MYO1C: variants seen among roughly 807,000 people sequenced by gnomAD.
The protein encoded by MYO1C is unconventional myosin-Ic.
A neutral mutation model predicts 150.8 loss-of-function variants in MYO1C; 104 were observed. The ratio of observed to expected loss-of-function variants is 0.69; its 90% CI spans 0.59 to 0.81. MYO1C has a LOEUF of 0.81. MYO1C is among the 30% of genes least tolerant of loss of function. The probability of loss-of-function intolerance (pLI) is 0.00; values close to 1 mark genes in which losing one functional copy is unlikely to be tolerated. For missense variants in MYO1C, 1,504 were observed against 1,435.0 expected, an observed-to-expected ratio of 1.05 and a Z score of -0.78; for synonymous variants, 663 against 579.9, an observed-to-expected ratio of 1.14 and a Z score of -2.06.
At position 1,475,019 on chromosome 17, in the gene MYO1C, C is replaced by A; in HGVS notation, c.1588G>T (p.Asp530Tyr). 1 of 1,552,146 alleles carries A rather than the reference C, an allele frequency of 6.4e-7. No individual in the cohort carries two copies. The highest frequency in any genetic ancestry group is 8.7e-7 in the Non-Finnish European group (1 of 1,147,398). Residue 530 changes from aspartate to tyrosine, a missense_variant, in exon 15 of 32, where the codon GAC (aspartate) becomes TAC (tyrosine). Asp to Tyr is a radical substitution (Grantham distance 160). Coordinates refer to ENST00000648651, the MANE Select transcript of MYO1C (RefSeq NM_001080779.2). Reference protein sequence around the residue: ...HPHFLTHKLADQRTRKSLGRG... With the variant: ...HPHFLTHKLAYQRTRKSLGRG... Reference sequence around the variant, plus strand: ...CCCAGAGATTTCCTGGTCCGCTGGTCAGCCAGCTTGTGCCTGGGGGTGACA... The same window carrying A: ...CCCAGAGATTTCCTGGTCCGCTGGTAAGCCAGCTTGTGCCTGGGGGTGACA...
intron 31 of MYO1C, among the ~76,000 whole-genome samples, chr17:1,466,168 T>C (rs998099551): frequency 1.3e-3 from 186 of 148,584 alleles, no homozygotes; most frequent in Non-Finnish European, 2.3e-3. Context: ...TTTTTTTTTT[T>C]TTTTTTTTGA....
chr17:1,483,189 T>A (rs999155509), intron 3 of MYO1C, 130 bp from the exon 4 acceptor site: 1 of 930,062 alleles, frequency 1.1e-6, no homozygotes, highest in African/African-American at 1.6e-5. Flanking sequence ...GGACTGGGGG[T>A]CCCTCACAGG....
chr17:1,474,570 G>T (rs1475813616), intron 17 of MYO1C, 40 bp downstream of exon 17: 3 of 1,597,822 alleles, frequency 1.9e-6, no homozygotes, highest in Non-Finnish European at 1.7e-6. Context: ...TGCACACTCA[G>T]GCGCATGCAC....
At chr17:1,477,866 G>A in intron 13 of MYO1C, 25 bp downstream of exon 13, 1 of 1,600,512 alleles carries the variant, frequency 6.2e-7, no homozygotes. Context: ...TCCAGCACCA[G>A]GCCTTGGAGG....
At chr17:1,475,838 G>A (rs1598332593) in intron 14 of MYO1C, among the ~76,000 whole-genome samples, 2 of 152,346 alleles carry the variant, frequency 1.3e-5, no homozygotes, top group Admixed American at 1.3e-4. Flanking sequence ...GGCTGGGTGA[G>A]AGAGGGGAGT....
chr17:1,477,642 G>C, intron 13 of MYO1C, 46 bp from the exon 14 acceptor site: 1 of 1,456,864 alleles, frequency 6.9e-7, no homozygotes, highest in Non-Finnish European at 9.6e-7. Context: ...GGACAGGTCA[G>C]AGCGCACAGA....
chr17:1,469,447 C>CGGTAGAA (rs1555519658), intron 25 of MYO1C, 84 bp downstream of exon 25: 119 of 1,280,466 alleles, frequency 9.3e-5, no homozygotes, highest in Non-Finnish European at 1.2e-4. Flanking sequence ...GGGGTAAATG[C>CGGTAGAA]CCCTCCAGGC....
In MYO1C at chr17:1,471,354, C is replaced by G. The variant is rs374816949; in HGVS notation, c.2022-18G>C. 1 of 1,608,614 alleles carries G rather than the reference C, an allele frequency of 6.2e-7. No individual in the cohort carries two copies. The highest frequency in any genetic ancestry group is 1.7e-5 in the Admixed American group (1 of 59,800). ...ACTTGTACCTGGGGACAGGAATGCA[C>G]GCGGCTCCCACCCCAGTCAGCAGCC... On this transcript the variant is annotated intron_variant, in intron 19 of 31. Transcript: ENST00000648651.
At position 1,465,131 on chromosome 17, in the gene MYO1C, C is replaced by T. The variant is rs1019159955; in HGVS notation, c.*595G>A. On this transcript the variant is annotated 3_prime_UTR_variant, in exon 32 of 32. Transcript: ENST00000648651. ...CCAGCCTAAAAGGACATTCTTAAGG[C>T]AGAAAGAAGGGGGCAGGCAAGGGTG... The T allele has an allele frequency of 1.3e-5, 2 of 152,546 alleles. No individual in the cohort carries two copies. The highest frequency in any genetic ancestry group is 4.8e-5 in the African/African-American group (2 of 41,410). The allele number at this position is 152,546 out of a possible 1,614,324, so 9.4% of individuals were successfully genotyped here. A position where few individuals can be genotyped will look rare whatever the true frequency, so the allele number is the denominator to read the frequency against.
chr17:1,481,736 C>T (rs1041962727), intron 5 of MYO1C, among the ~76,000 whole-genome samples: 11 of 151,272 alleles, frequency 7.3e-5, no homozygotes, highest in East Asian at 1.9e-4. Flanking sequence ...CCCGACCTCA[C>T]GTGATCCACC....
At chr17:1,480,123 C>T (rs538582927) in intron 7 of MYO1C, among the ~76,000 whole-genome samples, 20 of 114,410 alleles carry the variant, frequency 1.7e-4, no homozygotes, top group Admixed American at 6.4e-4. Flanking sequence ...CCAGCCTGGG[C>T]GAAAGAGCGA....
At chr17:1,482,769 C>CCCTGGG in intron 4 of MYO1C, 92 bp downstream of exon 4, 1 of 181,516 alleles carries the variant, frequency 5.5e-6, no homozygotes, top group Non-Finnish European at 1.1e-5. Context: ...CCCACACTAG[C>CCCTGGG]CTTCTCTCCC....
intron 17 of MYO1C, among the ~76,000 whole-genome samples, chr17:1,473,344 T>C (rs2074342022): frequency 6.6e-6 from 1 of 151,890 alleles, no homozygotes; most frequent in African/African-American, 2.4e-5. Context: ...TGGGGCCACC[T>C]AGGGGAAGAG....
chr17:1,474,817 T>G lies in MYO1C; in HGVS notation c.1711A>C (p.Lys571Gln). The change falls in exon 16 of 32, where the codon AAG becomes CAG. Residue 571 changes from lysine to glutamine, a missense_variant. Transcript: ENST00000648651. ...KNNDLLFRNL[K>Q]ETMCSSKNPI... is the part of the protein sequence containing the mutation. ...CCTCCCCACGTCCTCCTCACCTCCT[T>G]AAGGTTCCGGAAGAGAAGGTCATTG... The G allele has an allele frequency of 6.2e-7, 1 of 1,601,328 alleles. No individual in the cohort carries two copies. Among genetic ancestry groups the G allele is most frequent in the Non-Finnish European group, 8.6e-7 (1 of 1,169,558 alleles).
rs749731480 is a variant in MYO1C, at chr17:1,468,447, T to C, written c.2660A>G (p.Asn887Ser). ...ASEIFKGKKD[N>S]YPQSVPRLFI... ...GAGCCTGGGTACACTCTGAGGGTAA[T>C]TATCCTTCTTGCCCTTGAAGATCTC... The change falls in exon 26 of 32, where the codon AAT becomes AGT. Residue 887 changes from asparagine (N) to serine (S), a missense_variant. By Grantham distance (46) the Asn-to-Ser change is conservative. Transcript: ENST00000648651. The C allele has an allele frequency of 1.9e-6, 3 of 1,613,930 alleles. No homozygotes were observed. The highest frequency in any genetic ancestry group is 1.7e-6 in the Non-Finnish European group (2 of 1,179,950).
chr17:1,468,163 TC>T (rs1376350910), intron 27 of MYO1C, 40 bp from the exon 28 acceptor site: 3 of 1,611,866 alleles, frequency 1.9e-6, no homozygotes, highest in Non-Finnish European at 2.5e-6. Context: ...GGGGAGAGGC[TC>T]CCAAGGCTCC....
intron 1 of MYO1C, among the ~76,000 whole-genome samples, chr17:1,487,733 C>T (rs984699637): frequency 7.9e-5 from 12 of 152,190 alleles, no homozygotes; most frequent in Non-Finnish European, 1.6e-4. Flanking sequence ...GCCTGACCAG[C>T]ATGGCGAAAC....
At chr17:1,485,593 T>C in intron 1 of MYO1C, 3 of 914,444 alleles carry the variant, frequency 3.3e-6, no homozygotes, top group South Asian at 9.1e-5. Context: ...CCACCCGGAA[T>C]TCCTGGGCCG....
At chr17:1,486,526 T>A (rs1374808232) in intron 1 of MYO1C, among the ~76,000 whole-genome samples, 1 of 150,888 alleles carries the variant, frequency 6.6e-6, no homozygotes, top group East Asian at 1.9e-4. Context: ...TTTTTCTGTT[T>A]TTTTTTTGAG....
Sources: gnomAD v4.1 joint callset for allele counts (sites outside exome capture counted in the v4.1 genomes callset) on GRCh38, gnomAD v4.1.1 for gene constraint, MANE v1.5 for transcripts, NCBI Gene and HGNC (gene_info 2026-07-23, HGNC 2026-07-21) for gene names.